SERPINI1: variants seen among roughly 807,000 people sequenced by gnomAD.
SERPINI1 encodes the protein neuroserpin.
Under a neutral mutation model 41.1 loss-of-function variants are expected in SERPINI1, and 19 were observed. That is an observed-to-expected ratio of 0.46 (90% CI 0.32 to 0.68). The LOEUF is 0.68. Ranked by LOEUF, SERPINI1 falls within the 30% of genes least tolerant of loss-of-function variation. The pLI, the probability that SERPINI1 is intolerant of heterozygous loss-of-function variation, is 0.03. For synonymous variants in SERPINI1, 138 were observed against 156.6 expected (o/e 0.88, Z 0.89); for missense variants, 460 against 479.2 (o/e 0.96, Z 0.37).
At chr3:167,820,918 C>T (rs1404867333) in intron 6 of SERPINI1, among the ~76,000 whole-genome samples, 1 of 152,170 alleles carries the variant, frequency 6.6e-6, no homozygotes, top group African/African-American at 2.4e-5. Context: ...CATACTTCCT[C>T]CCCTCTGAAG....
intron 1 of SERPINI1, 187 bp downstream of exon 1, chr3:167,736,010 G>A (rs999409359): frequency 1.3e-5 from 2 of 152,202 alleles, no homozygotes; most frequent in Non-Finnish European, 2.9e-5. Flanking sequence ...TTGACTCTGG[G>A]TATAAAGGGC....
chr3:167,815,390 T>G (rs964898749), intron 6 of SERPINI1, among the ~76,000 whole-genome samples: 1 of 151,364 alleles, frequency 6.6e-6, no homozygotes, highest in Non-Finnish European at 1.5e-5. Context: ...TTTTTTTTTC[T>G]TTTTTTTTCT....
chr3:167,808,987 C>G (rs1711761430), intron 6 of SERPINI1, among the ~76,000 whole-genome samples: 1 of 152,154 alleles, frequency 6.6e-6, no homozygotes, highest in Non-Finnish European at 1.5e-5. Context: ...CAACTTCTAC[C>G]CCTCGTTCAG....
chr3:167,741,491 T>C (rs1725676064), intron 1 of SERPINI1, among the ~76,000 whole-genome samples: 1 of 152,232 alleles, frequency 6.6e-6, no homozygotes, highest in African/African-American at 2.4e-5. Flanking sequence ...GGATTGCTTC[T>C]GTCATTTTCT....
At position 167,757,024 on chromosome 3, in the gene SERPINI1, A is replaced by G. The variant is rs78790336; in HGVS notation, c.-19+21201A>G. Among the ~76,000 whole-genome samples the G allele has an allele frequency of 1.4e-4, 22 of 152,376 alleles. No homozygotes were observed. The East Asian group carries it at 4.2e-3, about 29-fold the overall frequency. On this transcript the variant is annotated intron_variant, in intron 1 of 8. Transcript: ENST00000446050. ...GTAATAAAACAGCTACAAAGGATTT[A>G]TTAAAGAGAGAAAAGTGCATCTATT... is the stretch of plus-strand genomic sequence containing the variant.
chr3:167,811,623 A>G (rs1995253), intron 6 of SERPINI1, among the ~76,000 whole-genome samples: 129,300 of 152,110 alleles, frequency 0.85, 55,106 homozygotes, highest in East Asian at 0.97. Context: ...AGGAGTTTTC[A>G]TTTCATATAC....
At chr3:167,784,409 G>A (rs1727237617) in intron 1 of SERPINI1, among the ~76,000 whole-genome samples, 1 of 152,162 alleles carries the variant, frequency 6.6e-6, no homozygotes, top group South Asian at 2.1e-4. Context: ...ATCAGTCTTG[G>A]CTGAATGAAT....
rs927281876 is a variant in SERPINI1 at position 167,822,915 on chromosome 3, A to G, written c.980-71A>G. 3.5e-6 allele frequency: 3 copies of G among 856,596 alleles called. No individual in the cohort carries two copies. The African/African-American group carries it at 5.0e-5, about 14-fold the overall frequency. 53.1% of individuals were successfully genotyped at this position (856,596 alleles called of 1,614,324 possible). A position where few individuals can be genotyped will look rare whatever the true frequency, so the allele number is the denominator to read the frequency against. On this transcript the variant is annotated intron_variant, in intron 6 of 8. Coordinates refer to ENST00000446050, the MANE Select transcript of SERPINI1 (RefSeq NM_001122752.2). ...CCAGTCTCTTAGATCTCTAAAATCCATTTAACAAAAGGGCAAAATATTTTC... is the reference window on the plus strand; with the variant it reads ...CCAGTCTCTTAGATCTCTAAAATCCGTTTAACAAAAGGGCAAAATATTTTC...
intron 1 of SERPINI1, among the ~76,000 whole-genome samples, chr3:167,769,643 C>A (rs1236113601): frequency 2.0e-5 from 3 of 151,960 alleles, no homozygotes; most frequent in Non-Finnish European, 4.4e-5. Flanking sequence ...CTTTTCTGTC[C>A]CAGTTCATTT....
chr3:167,790,812 A>G lies in SERPINI1; in HGVS notation c.481+210A>G, dbSNP rs531230693. The stretch of plus-strand genomic sequence containing the variant: ...AAAGAAGTTAAATCTTTTGGCATAT[A>G]TAGAATTTGGCAGTGATAATCTGAA... On this transcript the variant is annotated intron_variant, in intron 3 of 8. Transcript: ENST00000446050. 2.0e-4 allele frequency among the ~76,000 whole-genome samples: 31 copies of G among 152,312 alleles called. No homozygotes were observed. The Middle Eastern group carries it at 0.01, about 50-fold the overall frequency.
intron 1 of SERPINI1, among the ~76,000 whole-genome samples, chr3:167,782,966 C>T (rs901939291): frequency 6.6e-6 from 1 of 152,110 alleles, no homozygotes; most frequent in Non-Finnish European, 1.5e-5. Flanking sequence ...TGCTGCGTCA[C>T]AGTACAAATG....
intron 1 of SERPINI1, among the ~76,000 whole-genome samples, chr3:167,745,956 A>G (rs1725851185): frequency 6.6e-6 from 1 of 152,176 alleles, no homozygotes; most frequent in Non-Finnish European, 1.5e-5. Context: ...CATGAGTTGA[A>G]AGACTTAATA....
At chr3:167,780,866 G>A (rs1727099797) in intron 1 of SERPINI1, among the ~76,000 whole-genome samples, 2 of 152,140 alleles carry the variant, frequency 1.3e-5, no homozygotes, top group South Asian at 4.1e-4. Flanking sequence ...ATTCAACTGA[G>A]CGAACAAGGA....
rs113251395 is a variant in SERPINI1 at position 167,792,403 on chromosome 3, A to AGTGTGTGT, written c.482-184_482-177dup. 0.089 allele frequency among the ~76,000 whole-genome samples: 13,496 copies of AGTGTGTGT among 151,138 alleles called. 654 individuals carry two copies. Among genetic ancestry groups the AGTGTGTGT allele is most frequent in the African/African-American group, 0.11 (4,386 of 41,054 alleles). ...TACACACACACATATATATATATGT[A>AGTGTGTGT]GTGTGTGTGTATGTGTGTGTGTATA... On this transcript the variant is annotated intron_variant, in intron 3 of 8. Transcript: ENST00000446050.
intron 1 of SERPINI1, among the ~76,000 whole-genome samples, chr3:167,772,862 C>CTCTCTCTCTCTCTCTCTCTT (rs1553772911): frequency 8.5e-5 from 2 of 23,632 alleles, no homozygotes; most frequent in African/African-American, 3.3e-4. Context: ...CTCTCTCTCT[C>CTCTCTCTCTCTCTCTCTCTT]TCTATATATA....
chr3:167,780,546 T>G (rs921511658), intron 1 of SERPINI1, among the ~76,000 whole-genome samples: 1 of 152,316 alleles, frequency 6.6e-6, no homozygotes, highest in South Asian at 2.1e-4. Flanking sequence ...CAGACAGTCC[T>G]TTTGAATAAC....
intron 1 of SERPINI1, among the ~76,000 whole-genome samples, chr3:167,750,155 C>T (rs7631183): frequency 0.063 from 9,568 of 152,126 alleles, 1,003 homozygotes; most frequent in African/African-American, 0.22. Context: ...AACACCCAGC[C>T]GGGATGACTT....
At chr3:167,784,691 T>G (rs1338266597) in intron 1 of SERPINI1, among the ~76,000 whole-genome samples, 1 of 152,086 alleles carries the variant, frequency 6.6e-6, no homozygotes, top group Non-Finnish European at 1.5e-5. Flanking sequence ...CTTGTGAAAC[T>G]CACTCACTAT....
chr3:167,821,267 A>C (rs1018801460), intron 6 of SERPINI1, among the ~76,000 whole-genome samples: 3 of 152,136 alleles, frequency 2.0e-5, no homozygotes, highest in African/African-American at 7.2e-5. Flanking sequence ...GGCAGCAAGA[A>C]GGAGAGAAGA....
Sources: gnomAD v4.1 joint callset for allele counts (sites outside exome capture counted in the v4.1 genomes callset) on GRCh38, gnomAD v4.1.1 for gene constraint, MANE v1.5 for transcripts, NCBI Gene and HGNC (gene_info 2026-07-23, HGNC 2026-07-21) for gene names.